LRRC4C: variants seen among roughly 807,000 people sequenced by gnomAD.
LRRC4C encodes leucine rich repeat containing 4C.
Under a neutral mutation model 33.6 loss-of-function variants are expected in LRRC4C, and 5 were observed. The ratio of observed to expected loss-of-function variants is 0.15; its 90% CI spans 0.08 to 0.31. The LOEUF is 0.31. Ranked by LOEUF, LRRC4C falls within the 10% of genes least tolerant of loss-of-function variation. LRRC4C has a pLI of 1.00. For synonymous variants in LRRC4C, 329 were observed against 302.0 expected (o/e 1.09, Z -0.93); for missense variants, 560 against 796.7 (o/e 0.70, Z 3.58).
intron 2 of LRRC4C, among the ~76,000 whole-genome samples, chr11:40,906,619 T>C (rs982489409): frequency 6.6e-6 from 1 of 152,160 alleles, no homozygotes; most frequent in African/African-American, 2.4e-5. Context: ...TTCTATGACT[T>C]GCTTTATTTT....
At chr11:41,189,103 C>T (rs1945832696) in intron 1 of LRRC4C, among the ~76,000 whole-genome samples, 2 of 152,070 alleles carry the variant, frequency 1.3e-5, no homozygotes, top group Admixed American at 6.6e-5. Context: ...ATTTATAGGG[C>T]ACCTTTATGT....
At chr11:40,560,434 G>T (rs1957502995) in intron 3 of LRRC4C, among the ~76,000 whole-genome samples, 1 of 127,088 alleles carries the variant, frequency 7.9e-6, no homozygotes, top group Non-Finnish European at 1.7e-5. Context: ...TGATGTGTGT[G>T]CCTGTGTTTG....
intron 1 of LRRC4C, among the ~76,000 whole-genome samples, chr11:41,454,164 G>A (rs951425741): frequency 3.3e-5 from 5 of 152,194 alleles, no homozygotes; most frequent in South Asian, 2.1e-4. Context: ...GGTACCAGCC[G>A]TGCAGTTAGC....
chr11:40,923,723 C>T (rs1296836978), intron 2 of LRRC4C, among the ~76,000 whole-genome samples: 1 of 151,980 alleles, frequency 6.6e-6, no homozygotes, highest in Non-Finnish European at 1.5e-5. Context: ...AAGAAGAATG[C>T]TGTAATAGAA....
At chr11:41,248,484 T>G (rs948708144) in intron 1 of LRRC4C, among the ~76,000 whole-genome samples, 1 of 152,152 alleles carries the variant, frequency 6.6e-6, no homozygotes, top group Non-Finnish European at 1.5e-5. Context: ...AATGCATTCT[T>G]CATTTGGTTT....
At chr11:40,118,264 A>G (rs868282749) in intron 6 of LRRC4C, among the ~76,000 whole-genome samples, 1 of 149,744 alleles carries the variant, frequency 6.7e-6, no homozygotes, top group Admixed American at 6.7e-5. Context: ...AATATAAAAT[A>G]TTTTATTATA....
chr11:41,076,967 A>G (rs191366130), intron 1 of LRRC4C, among the ~76,000 whole-genome samples: 11 of 152,336 alleles, frequency 7.2e-5, no homozygotes, highest in South Asian at 2.1e-4. Context: ...CACAGGCCCA[A>G]TGCAAGTCCA....
intron 2 of LRRC4C, among the ~76,000 whole-genome samples, chr11:40,916,730 A>T (rs189217616): frequency 6.6e-6 from 1 of 151,896 alleles, no homozygotes; most frequent in African/African-American, 2.4e-5. Flanking sequence ...AAATAAAAAT[A>T]AAAAAATTTC....
In LRRC4C at chr11:40,889,440, A is replaced by AT. The variant is rs545580445; in HGVS notation, c.-407+44194dup. Among the ~76,000 whole-genome samples, 577 of 152,128 alleles carry AT rather than the reference A, an allele frequency of 3.8e-3. 5 individuals carry two copies. Among genetic ancestry groups the AT allele is most frequent in the Admixed American group, 0.01 (156 of 15,276 alleles). On this transcript the variant is annotated intron_variant, in intron 2 of 6. Transcript: ENST00000528697. Reference sequence around the variant, plus strand: ...TTCCATTGTGGGGAGAGTTTATGTGATTTTTTCTTTTCTCATGTATATTTT... The same window carrying AT: ...TTCCATTGTGGGGAGAGTTTATGTGATTTTTTTCTTTTCTCATGTATATTTT...
At chr11:40,844,177 A>G (rs528126056) in intron 2 of LRRC4C, among the ~76,000 whole-genome samples, 1 of 152,212 alleles carries the variant, frequency 6.6e-6, no homozygotes, top group African/African-American at 2.4e-5. Context: ...ATGTTGGCAC[A>G]TGTATACGTA....
chr11:40,648,986 G>C (rs947458191), intron 2 of LRRC4C, among the ~76,000 whole-genome samples: 1 of 152,146 alleles, frequency 6.6e-6, no homozygotes, highest in Non-Finnish European at 1.5e-5. Flanking sequence ...GTGTACAAAA[G>C]GGAAGTAGGT....
intron 1 of LRRC4C, among the ~76,000 whole-genome samples, chr11:41,400,549 G>A (rs1255846119): frequency 6.7e-6 from 1 of 149,048 alleles, no homozygotes; most frequent in East Asian, 2.0e-4. Context: ...AAGACTTCAG[G>A]GAAACATTAA....
intron 3 of LRRC4C, among the ~76,000 whole-genome samples, chr11:40,335,535 G>A (rs1189215259): frequency 6.6e-6 from 1 of 152,212 alleles, no homozygotes; most frequent in Non-Finnish European, 1.5e-5. Flanking sequence ...CATGAAAAAT[G>A]TATTATGTGA....
At chr11:40,325,058 A>G (rs536105887) in intron 3 of LRRC4C, among the ~76,000 whole-genome samples, 2 of 152,306 alleles carry the variant, frequency 1.3e-5, no homozygotes, top group Admixed American at 6.5e-5. Flanking sequence ...TTACTTTATT[A>G]TTATTATTAG....
intron 1 of LRRC4C, among the ~76,000 whole-genome samples, chr11:41,381,626 C>A (rs1388891437): frequency 2.5e-3 from 336 of 133,614 alleles, no homozygotes; most frequent in Non-Finnish European, 3.0e-3. Flanking sequence ...GACTCTGCTT[C>A]AAAAAAAAAA....
At chr11:40,326,034 G>C (rs1305494373) in intron 3 of LRRC4C, among the ~76,000 whole-genome samples, 1 of 148,160 alleles carries the variant, frequency 6.7e-6, no homozygotes, top group African/African-American at 2.5e-5. Flanking sequence ...TTGGAATGCT[G>C]TCTGCTGAAA....
intron 1 of LRRC4C, among the ~76,000 whole-genome samples, chr11:41,287,375 A>C (rs938923581): frequency 9.9e-5 from 15 of 152,146 alleles, no homozygotes. Flanking sequence ...TAACGATGAA[A>C]ACCAGGGTCT....
chr11:40,504,509 T>C (rs1438905164), intron 3 of LRRC4C, among the ~76,000 whole-genome samples: 1 of 151,966 alleles, frequency 6.6e-6, no homozygotes, highest in African/African-American at 2.4e-5. Flanking sequence ...AATCCAGAGC[T>C]CAGGTATCAG....
At chr11:41,173,843 G>A (rs189265348) in intron 1 of LRRC4C, among the ~76,000 whole-genome samples, 86 of 152,144 alleles carry the variant, frequency 5.7e-4, no homozygotes, top group Non-Finnish European at 1.5e-5. Flanking sequence ...TAAAAATTAT[G>A]CCCGAGGACT....
Sources: gnomAD v4.1 joint callset for allele counts (sites outside exome capture counted in the v4.1 genomes callset) on GRCh38, gnomAD v4.1.1 for gene constraint, MANE v1.5 for transcripts, NCBI Gene and HGNC (gene_info 2026-07-23, HGNC 2026-07-21) for gene names.